Variants in CFAP77 observed in about 807,000 individuals in gnomAD.
CFAP77 encodes cilia and flagella associated protein 77, also known as cilia- and flagella-associated protein 77.
A neutral mutation model predicts 31.1 loss-of-function variants in CFAP77; 25 were observed. That is an observed-to-expected ratio of 0.80 (90% CI 0.59 to 1.12). The LOEUF (loss-of-function observed/expected upper bound fraction) is 1.12. Ranked by LOEUF, CFAP77 falls within the 50% of genes most tolerant of loss-of-function variation. CFAP77 has a pLI of 0.00. For synonymous variants in CFAP77, 151 were observed against 159.9 expected (o/e 0.94, Z 0.42); for missense variants, 377 against 397.3 (o/e 0.95, Z 0.44).
chr9:132,571,269 G>A (rs370998433), intron 5 of CFAP77, among the ~76,000 whole-genome samples: 6 of 151,998 alleles, frequency 3.9e-5, no homozygotes, highest in Admixed American at 2.0e-4. Context: ...CTACCTGGCC[G>A]CCGCATCCCC....
chr9:132,410,337 C>A lies in CFAP77; in HGVS notation c.66C>A (p.Arg22=), dbSNP rs780835824. ...TRWRKQQQPV[R]RTVSQVCPPP... is the part of the protein sequence containing the mutation. ...GGAGGAAGCAGCAGCAGCCTGTGCG[C>A]CGCACGGTCAGCCAGGTCTGCCCGC... The change falls in exon 1 of 6, where the codon CGC becomes CGA. Residue 22 remains arginine, a synonymous_variant. Transcript: ENST00000393216. 1.9e-6 allele frequency: 3 copies of A among 1,598,568 alleles called. No homozygotes were observed. Among genetic ancestry groups the A allele is most frequent in the Non-Finnish European group, 2.6e-6 (3 of 1,173,848 alleles).
At chr9:132,464,321 G>C (rs963067372) in intron 1 of CFAP77, among the ~76,000 whole-genome samples, 1 of 151,950 alleles carries the variant, frequency 6.6e-6, no homozygotes. Flanking sequence ...TACAAGCGAG[G>C]ATACCAAGTC....
At chr9:132,486,984 A>C (rs1851572803) in intron 1 of CFAP77, among the ~76,000 whole-genome samples, 1 of 152,208 alleles carries the variant, frequency 6.6e-6, no homozygotes, top group African/African-American at 2.4e-5. Flanking sequence ...CAGGCGGCAG[A>C]GCGCAGGCAG....
At chr9:132,510,142 C>G (rs929895807) in intron 3 of CFAP77, among the ~76,000 whole-genome samples, 4 of 152,162 alleles carry the variant, frequency 2.6e-5, no homozygotes, top group African/African-American at 7.2e-5. Flanking sequence ...CAGGGCCTGG[C>G]CAGGCCCGAA....
chr9:132,529,609 G>A (rs527391978), intron 3 of CFAP77, among the ~76,000 whole-genome samples: 18 of 151,516 alleles, frequency 1.2e-4, no homozygotes, highest in Non-Finnish European at 2.2e-4. Context: ...GACGGATCAC[G>A]AGGTCAGGAG....
Position 132,572,480 on chromosome 9 carries a change from C to T in CFAP77, c.825C>T (p.Thr275=), listed in dbSNP as rs1312591936. ...HREECAVRQG[T]LRMGNYTHP ...AAGAGTGTGCCGTGCGCCAGGGGAC[C>T]CTGCGGATGGGCAACTACACCCACC... The change falls in exon 6 of 6, where the codon ACC becomes ACT. Residue 275 remains threonine (T), a synonymous_variant. Coordinates refer to ENST00000393216, the MANE Select transcript of CFAP77 (RefSeq NM_001282957.2). 11 of 1,609,012 alleles carry T rather than the reference C, an allele frequency of 6.8e-6. No individual in the cohort carries two copies. The highest frequency in any genetic ancestry group is 9.3e-6 in the Non-Finnish European group (11 of 1,179,864).
intron 1 of CFAP77, among the ~76,000 whole-genome samples, chr9:132,432,305 C>T (rs1850424415): frequency 6.6e-6 from 1 of 152,022 alleles, no homozygotes; most frequent in Admixed American, 6.5e-5. Flanking sequence ...GGAGTGGAAT[C>T]CCTAGCAAGA....
At position 132,539,601 on chromosome 9, in the gene CFAP77, C is replaced by A. The variant is rs151168444; in HGVS notation, c.630+1895C>A. 6.6e-6 allele frequency among the ~76,000 whole-genome samples: 1 copy of A among 152,102 alleles called. No homozygotes were observed. The highest frequency in any genetic ancestry group is 2.4e-5 in the African/African-American group (1 of 41,412). ...GATGTTCTAGGGCCAACCAGGGGAT[C>A]GGAGGAGTCTTTCTCGAAATCCTGG... On this transcript the variant is annotated intron_variant, in intron 4 of 5. Transcript: ENST00000393216. This position sits in a 1 kb window ranked among gnomAD's most constrained non-coding sequence, Gnocchi z 4.3.
At chr9:132,521,778 T>TTTTTTTTTTTTTTTTTTTGTTTTG (rs533275755) in intron 3 of CFAP77, among the ~76,000 whole-genome samples, 1 of 106,152 alleles carries the variant, frequency 9.4e-6, no homozygotes, top group East Asian at 4.3e-4. Flanking sequence ...TTTTTTTTTT[T>TTTTTTTTTTTTTTTTTTTGTTTTG]TTTTTTGAGA....
In CFAP77 at chr9:132,554,905, C is replaced by T. The variant is rs1164165182; in HGVS notation, c.732+11858C>T. The stretch of plus-strand genomic sequence containing the variant: ...CTATCCAACCATCTATCTATCCATC[C>T]ATCTATGCATGCATGCATGCATCCA... On this transcript the variant is annotated intron_variant, in intron 5 of 5. Transcript: ENST00000393216. This position sits in a 1 kb window ranked among gnomAD's most constrained non-coding sequence, Gnocchi z 4.1. 7.0e-6 allele frequency among the ~76,000 whole-genome samples: 1 copy of T among 143,670 alleles called. No individual in the cohort carries two copies. Among genetic ancestry groups the T allele is most frequent in the African/African-American group, 2.6e-5 (1 of 38,708 alleles). 94.3% of individuals were successfully genotyped at this position (143,670 alleles called of 152,430 possible).
intron 1 of CFAP77, among the ~76,000 whole-genome samples, chr9:132,467,595 A>G (rs1380866150): frequency 6.6e-6 from 1 of 152,190 alleles, no homozygotes; most frequent in Non-Finnish European, 1.5e-5. Flanking sequence ...TCATTCTTCC[A>G]TCGATGGACA....
intron 3 of CFAP77, among the ~76,000 whole-genome samples, chr9:132,505,929 C>T (rs1851924209): frequency 6.6e-6 from 1 of 152,206 alleles, no homozygotes; most frequent in Non-Finnish European, 1.5e-5. Flanking sequence ...CCACCGCTAA[C>T]AAAAGCTGCT....
intron 3 of CFAP77, among the ~76,000 whole-genome samples, chr9:132,503,489 C>T (rs1258058935): frequency 2.6e-5 from 4 of 152,318 alleles, no homozygotes; most frequent in Middle Eastern, 6.8e-3. Flanking sequence ...CCCAGGGCTT[C>T]TGTTTCCCCA....
At chr9:132,536,206 A>G (rs1439082169) in intron 3 of CFAP77, among the ~76,000 whole-genome samples, 1 of 152,034 alleles carries the variant, frequency 6.6e-6, no homozygotes, top group East Asian at 1.9e-4. Context: ...GCTGGGAGTT[A>G]TTAACCAAGT....
At chr9:132,542,184 A>T (rs1213195807) in intron 4 of CFAP77, among the ~76,000 whole-genome samples, 3 of 152,160 alleles carry the variant, frequency 2.0e-5, no homozygotes. Context: ...GGCTGCCCTG[A>T]GCCAGGTCTG....
chr9:132,482,413 C>T, intron 1 of CFAP77: 1 of 1,610,820 alleles, frequency 6.2e-7, no homozygotes, highest in Non-Finnish European at 8.5e-7. Flanking sequence ...AAAGGAGGCC[C>T]ACAGGTGTTT....
In CFAP77 at chr9:132,491,399, G is replaced by A. The variant is rs189368258; in HGVS notation, c.196-7296G>A. ...AGAGAATTGCTTGAACCCGGGAGGTGGAGGTTGCAGTGAGCCGAGATTGTG... is the reference window on the plus strand; with the variant it reads ...AGAGAATTGCTTGAACCCGGGAGGTAGAGGTTGCAGTGAGCCGAGATTGTG... On this transcript the variant is annotated intron_variant, in intron 1 of 5. Coordinates refer to ENST00000393216, the MANE Select transcript of CFAP77 (RefSeq NM_001282957.2). Among the ~76,000 whole-genome samples, 330 of 152,284 alleles carry A rather than the reference G, an allele frequency of 2.2e-3. 1 individual carries two copies. Among genetic ancestry groups the A allele is most frequent in the Non-Finnish European group, 3.9e-3 (268 of 68,020 alleles).
rs1851627358 is a variant in CFAP77 at position 132,490,083 on chromosome 9, C to T, written c.196-8612C>T. ...CCAAGATGGTGCCTTGGTGCTGTAT[C>T]CCCCAGGGTGGGGACGAATGCCGTA... On this transcript the variant is annotated intron_variant, in intron 1 of 5. Transcript: ENST00000393216. The surrounding 1 kb of genome is among the most constrained non-coding windows in gnomAD (Gnocchi z 4.6). 1.3e-5 allele frequency among the ~76,000 whole-genome samples: 2 copies of T among 152,024 alleles called. No individual in the cohort carries two copies. Among genetic ancestry groups the T allele is most frequent in the Non-Finnish European group, 2.9e-5 (2 of 67,996 alleles).
intron 1 of CFAP77, among the ~76,000 whole-genome samples, chr9:132,425,570 T>A (rs903190536): frequency 1.3e-5 from 2 of 152,182 alleles, no homozygotes. Flanking sequence ...CTGGGTTTCT[T>A]GCTTGTGTTT....
Sources: allele counts gnomAD v4.1 joint callset (sites outside exome capture counted in the v4.1 genomes callset), GRCh38; gene constraint gnomAD v4.1.1; non-coding constraint Gnocchi (gnomAD v3.1); transcripts MANE v1.5; gene names NCBI Gene and HGNC (gene_info 2026-07-23, HGNC 2026-07-21).